CCDC141: variants seen among roughly 807,000 people sequenced by gnomAD.
The protein encoded by CCDC141 is coiled-coil domain-containing protein 141.
CCDC141 carries 168 observed loss-of-function variants against 181.0 expected under a neutral mutation model. The observed-to-expected ratio is 0.93, with a 90% confidence interval of 0.82 to 1.05. The LOEUF is 1.05. Among genes scored for constraint, CCDC141 ranks in the 50% least tolerant of loss-of-function variants. CCDC141 has a pLI of 0.00. For missense variants in CCDC141, 1,902 were observed against 1,788.5 expected, an observed-to-expected ratio of 1.06 and a Z score of -1.14; for synonymous variants, 666 against 642.3, an observed-to-expected ratio of 1.04 and a Z score of -0.56.
the CCDC141 span, chr2:178,817,720 T>C: frequency 1.3e-5 from 4 of 298,054 alleles, no homozygotes; most frequent in East Asian, 3.2e-4. Context: ...AAGATACACA[T>C]GTGTAATATT....
At chr2:179,010,810 T>C (rs536930636) in intron 2 of CCDC141, among the ~76,000 whole-genome samples, 1 of 152,246 alleles carries the variant, frequency 6.6e-6, no homozygotes, top group East Asian at 1.9e-4. Flanking sequence ...AATGCAACAG[T>C]ACCTCATATT....
chr2:179,003,386 A>AG (rs1245942371), intron 2 of CCDC141, among the ~76,000 whole-genome samples: 2 of 152,210 alleles, frequency 1.3e-5, no homozygotes, highest in African/African-American at 4.8e-5. Context: ...ACCAGGTAGT[A>AG]GCTCTGCACA....
chr2:178,828,123 T>C (rs1684152131), downstream of CCDC141, among the ~76,000 whole-genome samples: 1 of 152,090 alleles, frequency 6.6e-6, no homozygotes, highest in Non-Finnish European at 1.5e-5. Context: ...GGGTCCACCT[T>C]GACACTACTG....
At chr2:179,026,788 A>G (rs922930969) in intron 2 of CCDC141, among the ~76,000 whole-genome samples, 1 of 152,238 alleles carries the variant, frequency 6.6e-6, no homozygotes, top group Non-Finnish European at 1.5e-5. Flanking sequence ...TGGAGCTGCC[A>G]AAGACCATGG....
At chr2:178,882,324 G>A (rs139346025) in intron 11 of CCDC141, among the ~76,000 whole-genome samples, 73 of 152,034 alleles carry the variant, frequency 4.8e-4, no homozygotes, top group African/African-American at 1.5e-3. Context: ...AGCCAAAATC[G>A]CGCCATTGCA....
At chr2:178,944,401 G>C (rs1295830939) in intron 6 of CCDC141, 134 bp downstream of exon 6, 1 of 449,872 alleles carries the variant, frequency 2.2e-6, no homozygotes, top group East Asian at 3.4e-5. Flanking sequence ...AATGTTATTG[G>C]GATATTTTTT....
intron 4 of CCDC141, among the ~76,000 whole-genome samples, chr2:178,965,241 T>C (rs944486966): frequency 1.3e-5 from 2 of 152,152 alleles, no homozygotes; most frequent in South Asian, 4.1e-4. Context: ...TATTTTCAAA[T>C]AGAGACAAAA....
intron 21 of CCDC141, among the ~76,000 whole-genome samples, chr2:178,849,649 A>T (rs1277928823): frequency 6.6e-6 from 1 of 152,212 alleles, no homozygotes; most frequent in Non-Finnish European, 1.5e-5. Flanking sequence ...ATAATACCTG[A>T]AGATTACTTG....
At chr2:178,829,200 T>C (rs918523804), downstream of CCDC141, among the ~76,000 whole-genome samples, 1 of 152,244 alleles carries the variant, frequency 6.6e-6, no homozygotes, top group Non-Finnish European at 1.5e-5. Flanking sequence ...TTGTGCTAAT[T>C]GGGAATACAC....
At chr2:179,009,503 G>T (rs1226318470) in intron 2 of CCDC141, among the ~76,000 whole-genome samples, 1 of 152,042 alleles carries the variant, frequency 6.6e-6, no homozygotes, top group Non-Finnish European at 1.5e-5. Context: ...GTGGCTTCCT[G>T]TGAGCTGAAC....
intron 8 of CCDC141, among the ~76,000 whole-genome samples, chr2:178,901,457 C>T (rs1288453716): frequency 6.6e-6 from 1 of 152,012 alleles, no homozygotes; most frequent in African/African-American, 2.4e-5. Context: ...TCAATATACG[C>T]AAATCAATAA....
At chr2:178,975,465 T>C (rs1352865795) in intron 3 of CCDC141, among the ~76,000 whole-genome samples, 2 of 152,132 alleles carry the variant, frequency 1.3e-5, no homozygotes, top group Admixed American at 6.6e-5. Flanking sequence ...CTATTAAATT[T>C]TTCAACCAAA....
rs566375501 is a variant in CCDC141 at position 179,041,179 on chromosome 2, T to C, written c.225+6105A>G. Among the ~76,000 whole-genome samples the C allele has an allele frequency of 2.6e-5, 4 of 152,166 alleles. No homozygotes were observed. In the East Asian group the frequency reaches 7.7e-4, roughly 29 times the overall value. On this transcript the variant is annotated intron_variant, in intron 2 of 23. Coordinates refer to ENST00000443758, the MANE Select transcript of CCDC141 (RefSeq NM_173648.4). Reference sequence around the variant, plus strand: ...CTCCGCCTCCTGGGTTCACGCCATTTTCCTGCCTCCACGCCATTCTCCTGC... The same window carrying C: ...CTCCGCCTCCTGGGTTCACGCCATTCTCCTGCCTCCACGCCATTCTCCTGC...
chr2:178,934,030 A>T (rs1048489397), intron 6 of CCDC141, among the ~76,000 whole-genome samples: 1 of 151,250 alleles, frequency 6.6e-6, no homozygotes, highest in East Asian at 1.9e-4. Context: ...TAAGATTGAC[A>T]TTTTTTTTTA....
At chr2:178,980,820 A>T (rs1691348665) in intron 2 of CCDC141, among the ~76,000 whole-genome samples, 1 of 152,226 alleles carries the variant, frequency 6.6e-6, no homozygotes, top group Non-Finnish European at 1.5e-5. Context: ...TCAAGACATC[A>T]TATTGTACAA....
At chr2:179,035,823 C>A (rs2043130181) in intron 2 of CCDC141, among the ~76,000 whole-genome samples, 1 of 152,186 alleles carries the variant, frequency 6.6e-6, no homozygotes, top group Admixed American at 6.5e-5. Flanking sequence ...TTACTCTAAA[C>A]AGTCACAGAG....
chr2:179,049,732 T>C, intron 1 of CCDC141, 108 bp downstream of exon 1: 1 of 1,210,832 alleles, frequency 8.3e-7, no homozygotes, highest in Non-Finnish European at 1.2e-6. Context: ...CTTGCTGCGT[T>C]GTCTTCTCTA....
At position 178,996,086 on chromosome 2, in the gene CCDC141, C is replaced by CT. The variant is rs11356005; in HGVS notation, c.226-17412dup. Among the ~76,000 whole-genome samples the CT allele has an allele frequency of 2.0e-3, 269 of 137,582 alleles. 1 individual carries two copies. The highest frequency in any genetic ancestry group is 6.3e-3 in the South Asian group (27 of 4,254). The allele number at this position is 137,582 out of a possible 152,430, so 90.3% of individuals were successfully genotyped here. ...ACAAATTCCATGAAATTTTAAAATT[C>CT]TTTTTTTTTTTTTTTGGTGAGATGG... On this transcript the variant is annotated intron_variant, in intron 2 of 23. Coordinates refer to ENST00000443758, the MANE Select transcript of CCDC141 (RefSeq NM_173648.4).
At chr2:178,930,681 T>C (rs1272199215) in intron 6 of CCDC141, among the ~76,000 whole-genome samples, 1 of 152,080 alleles carries the variant, frequency 6.6e-6, no homozygotes, top group Non-Finnish European at 1.5e-5. Context: ...TTTCAGTGAG[T>C]GTGCCAAAGT....
Sources: allele counts gnomAD v4.1 joint callset (sites outside exome capture counted in the v4.1 genomes callset), GRCh38; gene constraint gnomAD v4.1.1; transcripts MANE v1.5; gene names NCBI Gene and HGNC (gene_info 2026-07-23, HGNC 2026-07-21).